TAFA5: variants seen among roughly 807,000 people sequenced by gnomAD.
TAFA5 encodes the protein TAFA chemokine like family member 5.
TAFA5 carries 6 observed loss-of-function variants against 15.3 expected under a neutral mutation model. That is an observed-to-expected ratio of 0.39 (90% CI 0.21 to 0.77). The LOEUF (loss-of-function observed/expected upper bound fraction) is 0.77. TAFA5 is among the 30% of genes least tolerant of loss of function. The pLI is 0.41. For synonymous variants in TAFA5, 103 were observed against 80.7 expected (o/e 1.28, Z -1.48); for missense variants, 161 against 193.1 (o/e 0.83, Z 0.98).
At chr22:48,640,501 A>G (rs980051760) in intron 1 of TAFA5, among the ~76,000 whole-genome samples, 4 of 151,898 alleles carry the variant, frequency 2.6e-5, no homozygotes, top group Non-Finnish European at 5.9e-5. Context: ...TTCCCCTGGG[A>G]CGTGGTCTCC....
chr22:48,638,301 A>ATAGGCAACAACACACG (rs1926526271), intron 1 of TAFA5, among the ~76,000 whole-genome samples: 1 of 113,346 alleles, frequency 8.8e-6, no homozygotes, highest in Admixed American at 9.4e-5. Flanking sequence ...TAAGCCACAC[A>ATAGGCAACAACACACG]TAGGCAACAA....
intron 2 of TAFA5, among the ~76,000 whole-genome samples, chr22:48,682,253 AC>A (rs1433834250): frequency 3.9e-5 from 6 of 152,080 alleles, no homozygotes; most frequent in Non-Finnish European, 7.4e-5. Context: ...TGACCTTAGA[AC>A]CCAGGGCTTC....
At chr22:48,546,485 G>T (rs1164046836) in intron 1 of TAFA5, 2 of 471,166 alleles carry the variant, frequency 4.2e-6, no homozygotes, top group Non-Finnish European at 8.8e-6. Flanking sequence ...TCTCAAACGG[G>T]GTGTGTGGAC....
chr22:48,552,149 C>T lies in TAFA5; in HGVS notation c.112+62445C>T, dbSNP rs1315525261. ...TCCTTGTGTGGGCTCCCGGGGACCA[C>T]CAGAGAGCCCCTCCCAAGGAGTCAC... is the stretch of plus-strand genomic sequence containing the variant. On this transcript the variant is annotated intron_variant, in intron 1 of 3. Coordinates refer to ENST00000402357, the MANE Select transcript of TAFA5 (RefSeq NM_001082967.3). The surrounding 1 kb of genome is among the most constrained non-coding windows in gnomAD (Gnocchi z 4.1). Among the ~76,000 whole-genome samples the T allele has an allele frequency of 2.0e-5, 3 of 152,174 alleles. No homozygotes were observed. The East Asian group carries it at 5.8e-4, about 29-fold the overall frequency.
Position 48,749,934 on chromosome 22 carries a change from C to G in TAFA5, c.*87C>G. 1.5e-6 allele frequency: 2 copies of G among 1,296,666 alleles called. No individual in the cohort carries two copies. The highest frequency in any genetic ancestry group is 2.5e-5 in the South Asian group (2 of 78,882). The allele number at this position is 1,296,666 out of a possible 1,614,324, so 80.3% of individuals were successfully genotyped here. A position where few individuals can be genotyped will look rare whatever the true frequency, so the allele number is the denominator to read the frequency against. On this transcript the variant is annotated 3_prime_UTR_variant, in exon 4 of 4. Transcript: ENST00000402357. Reference sequence around the variant, plus strand: ...GCCACAGTTCTCCACTCGCCTCGGACTTCACCCGTTCTCTGCCGCCCGCCC... The same window carrying G: ...GCCACAGTTCTCCACTCGCCTCGGAGTTCACCCGTTCTCTGCCGCCCGCCC...
intron 1 of TAFA5, among the ~76,000 whole-genome samples, chr22:48,508,738 T>C (rs189419044): frequency 6.0e-4 from 92 of 152,136 alleles, no homozygotes; most frequent in Middle Eastern, 6.8e-3. Context: ...TTTCAACACA[T>C]ATATACAAAC....
At chr22:48,539,740 A>G (rs1007187501) in intron 1 of TAFA5, among the ~76,000 whole-genome samples, 2 of 152,208 alleles carry the variant, frequency 1.3e-5, no homozygotes, top group African/African-American at 4.8e-5. Flanking sequence ...GAATTTCAGG[A>G]GAGGGCTTAA....
At chr22:48,539,787 C>A (rs932869262) in intron 1 of TAFA5, among the ~76,000 whole-genome samples, 11 of 152,188 alleles carry the variant, frequency 7.2e-5, no homozygotes, top group Admixed American at 2.6e-4. Context: ...GCTGACCAGG[C>A]AAGGTCACCC....
intron 1 of TAFA5, among the ~76,000 whole-genome samples, chr22:48,569,100 A>T (rs541990341): frequency 1.3e-5 from 2 of 152,192 alleles, no homozygotes; most frequent in South Asian, 4.2e-4. Flanking sequence ...GGCCTCCTAC[A>T]CAGCCGCCTC....
At chr22:48,531,448 G>A (rs1024588918) in intron 1 of TAFA5, among the ~76,000 whole-genome samples, 22 of 152,310 alleles carry the variant, frequency 1.4e-4, no homozygotes, top group African/African-American at 4.8e-4. Flanking sequence ...CACCCGCCCC[G>A]GTGCCCTGTG....
intron 1 of TAFA5, among the ~76,000 whole-genome samples, chr22:48,539,916 AG>A (rs148296249): frequency 0.18 from 27,376 of 151,958 alleles, 3,997 homozygotes; most frequent in African/African-American, 0.4. Flanking sequence ...AGAAGGTGGG[AG>A]GGGATGGGGC....
At chr22:48,512,875 A>T (rs1209507246) in intron 1 of TAFA5, among the ~76,000 whole-genome samples, 6 of 145,038 alleles carry the variant, frequency 4.1e-5, no homozygotes, top group South Asian at 4.7e-4. Context: ...GTGAGCCGAG[A>T]TTGTGCCACT....
intron 1 of TAFA5, among the ~76,000 whole-genome samples, chr22:48,571,608 C>CTTTTTTTTTTTTTTTTTTT (rs1601586303): frequency 3.0e-5 from 1 of 33,536 alleles, no homozygotes; most frequent in Non-Finnish European, 5.7e-5. Flanking sequence ...TTTTTTTTTG[C>CTTTTTTTTTTTTTTTTTTT]TTTAAAAAAA....
chr22:48,724,588 A>G (rs1213960709), intron 3 of TAFA5, among the ~76,000 whole-genome samples: 2 of 152,242 alleles, frequency 1.3e-5, no homozygotes, highest in Admixed American at 6.5e-5. Context: ...ACAACTGTCA[A>G]TAACACCATG....
intron 3 of TAFA5, among the ~76,000 whole-genome samples, chr22:48,743,161 C>T (rs1930229878): frequency 2.0e-5 from 3 of 152,130 alleles, no homozygotes; most frequent in African/African-American, 7.2e-5. Flanking sequence ...TCTGCTGGGC[C>T]GTGCTCCCGC....
intron 2 of TAFA5, among the ~76,000 whole-genome samples, chr22:48,676,586 C>T (rs1237521198): frequency 2.0e-5 from 3 of 152,182 alleles, no homozygotes; most frequent in Non-Finnish European, 4.4e-5. Flanking sequence ...TTCTTTTGTC[C>T]CAGCCATGCC....
chr22:48,546,502 G>C, intron 1 of TAFA5: 2 of 471,180 alleles, frequency 4.2e-6, no homozygotes, highest in Non-Finnish European at 8.8e-6. Flanking sequence ...GGACGCCCCT[G>C]TTTTTCTCAC....
At chr22:48,547,959 C>T (rs576327106) in intron 1 of TAFA5, among the ~76,000 whole-genome samples, 6 of 152,328 alleles carry the variant, frequency 3.9e-5, no homozygotes, top group African/African-American at 1.2e-4. Flanking sequence ...AACCTACCCT[C>T]GAGCCCTGGC....
Position 48,598,765 on chromosome 22 carries a change from C to T in TAFA5, c.113-47832C>T, listed in dbSNP as rs951187715. On this transcript the variant is annotated intron_variant, in intron 1 of 3. Transcript: ENST00000402357. This position sits in a 1 kb window ranked among gnomAD's most constrained non-coding sequence, Gnocchi z 4.0. ...TAGCTGAGACCCCACCGAGGAAGGG[C>T]TCGGTCCCACAAGACTGCTCCCCCT... Among the ~76,000 whole-genome samples, 1 of 152,174 alleles carries T rather than the reference C, an allele frequency of 6.6e-6. No individual in the cohort carries two copies. The highest frequency in any genetic ancestry group is 1.5e-5 in the Non-Finnish European group (1 of 68,036).
Sources: gnomAD v4.1 joint callset for allele counts (sites outside exome capture counted in the v4.1 genomes callset) on GRCh38, gnomAD v4.1.1 for gene constraint, Gnocchi (gnomAD v3.1) non-coding constraint, MANE v1.5 for transcripts, NCBI Gene and HGNC (gene_info 2026-07-23, HGNC 2026-07-21) for gene names.